The following AKT3 variants were observed in gnomAD, a reference collection of about 807,000 sequenced individuals.
AKT3 encodes the protein RAC-gamma serine/threonine-protein kinase.
AKT3 carries 15 observed loss-of-function variants against 65.3 expected under a neutral mutation model. That is an observed-to-expected ratio of 0.23 (90% CI 0.15 to 0.35). AKT3 has a LOEUF of 0.35. Among genes scored for constraint, AKT3 ranks in the 10% least tolerant of loss-of-function variants. The pLI is 1.00. For missense variants in AKT3, 243 were observed against 576.5 expected (o/e 0.42, Z 5.92); for synonymous variants, 206 against 183.8 (o/e 1.12, Z -0.98).
At chr1:243,768,322 C>T (rs372934047) in intron 2 of AKT3, among the ~76,000 whole-genome samples, 32 of 152,162 alleles carry the variant, frequency 2.1e-4, no homozygotes, top group African/African-American at 5.3e-4. Flanking sequence ...TTAATTTTAA[C>T]TGATATATTC....
intron 3 of AKT3, among the ~76,000 whole-genome samples, chr1:243,675,406 A>G (rs889724423): frequency 1.3e-5 from 2 of 152,118 alleles, no homozygotes; most frequent in Non-Finnish European, 2.9e-5. Context: ...TCACCATGTT[A>G]GCCAGGCTGG....
At chr1:243,650,224 G>C (rs974888894) in intron 4 of AKT3, among the ~76,000 whole-genome samples, 2 of 152,168 alleles carry the variant, frequency 1.3e-5, no homozygotes, top group African/African-American at 4.8e-5. Flanking sequence ...AGAAGTGTCT[G>C]TTCATATCCT....
chr1:243,814,731 T>G (rs1284185672), intron 2 of AKT3: 3 of 152,216 alleles, frequency 2.0e-5, no homozygotes, highest in African/African-American at 7.2e-5. Context: ...TATCACTGCA[T>G]AACAGATTAC....
At position 243,560,439 on chromosome 1, in the gene AKT3, G is replaced by A. The variant is rs559564178; in HGVS notation, c.948+3281C>T. ...TTTTTTAAGGGTAAACACAGTCAAA[G>A]TTTAAAAATGCAATATGTGACACAA... is the stretch of plus-strand genomic sequence containing the variant. On this transcript the variant is annotated intron_variant, in intron 10 of 13. Coordinates refer to ENST00000673466, the MANE Select transcript of AKT3 (RefSeq NM_005465.7). Among the ~76,000 whole-genome samples the A allele has an allele frequency of 4.6e-5, 7 of 152,202 alleles. No individual in the cohort carries two copies. The South Asian group carries it at 1.5e-3, about 32-fold the overall frequency.
At chr1:243,526,019 C>T (rs149443152) in intron 12 of AKT3, among the ~76,000 whole-genome samples, 6 of 151,236 alleles carry the variant, frequency 4.0e-5, no homozygotes, top group African/African-American at 4.9e-5. Flanking sequence ...GAGTCTGTCA[C>T]GGTTCCATGA....
In AKT3 at chr1:243,545,708, G is replaced by C. The variant is rs532072958; in HGVS notation, c.1164-111C>G. The C allele has an allele frequency of 3.4e-5, 24 of 704,954 alleles. No homozygotes were observed. The East Asian group carries it at 6.4e-4, about 19-fold the overall frequency. The allele number at this position is 704,954 out of a possible 1,614,324, so 43.7% of individuals were successfully genotyped here. A position where few individuals can be genotyped will look rare whatever the true frequency, so the allele number is the denominator to read the frequency against. Reference sequence around the variant, plus strand: ...TTTTCTGTGTAATAAACAGTTCTTGGGATAAATAGCTCTAAAAGTAAAAAG... The same window carrying C: ...TTTTCTGTGTAATAAACAGTTCTTGCGATAAATAGCTCTAAAAGTAAAAAG... On this transcript the variant is annotated intron_variant, in intron 11 of 13. Coordinates refer to ENST00000673466, the MANE Select transcript of AKT3 (RefSeq NM_005465.7).
At chr1:243,744,510 C>T (rs1375695149) in intron 2 of AKT3, among the ~76,000 whole-genome samples, 1 of 151,874 alleles carries the variant, frequency 6.6e-6, no homozygotes. Context: ...GAGGCCGAGG[C>T]GGGTGGATCA....
At chr1:243,582,824 A>T (rs1558631815) in intron 8 of AKT3, among the ~76,000 whole-genome samples, 1 of 151,994 alleles carries the variant, frequency 6.6e-6, no homozygotes, top group African/African-American at 2.4e-5. Context: ...CATGTTGGAT[A>T]AAAAAACAAG....
intron 9 of AKT3, 99 bp downstream of exon 9, chr1:243,572,827 A>T: frequency 2.4e-6 from 3 of 1,265,958 alleles, no homozygotes; most frequent in Non-Finnish European, 3.1e-6. Flanking sequence ...TCCCAACTAA[A>T]TCTGCTTTTC....
chr1:243,694,937 C>T (rs1684965171), intron 3 of AKT3, among the ~76,000 whole-genome samples: 1 of 151,930 alleles, frequency 6.6e-6, no homozygotes, highest in African/African-American at 2.4e-5. Flanking sequence ...CACTTTACTT[C>T]TAAATTAACA....
chr1:243,645,805 G>A (rs1680765952), intron 5 of AKT3, 88 bp downstream of exon 5: 1 of 1,307,932 alleles, frequency 7.6e-7, no homozygotes, highest in African/African-American at 1.5e-5. Context: ...TAAGAAAACT[G>A]GCTGACATCT....
intron 2 of AKT3, among the ~76,000 whole-genome samples, chr1:243,759,351 AAATTAAAAAT>A (rs1431533834): frequency 2.0e-5 from 3 of 151,718 alleles, no homozygotes; most frequent in Non-Finnish European, 2.9e-5. Flanking sequence ...AAATTAAATT[AAATTAAAAAT>A]AAAATAAAAT....
chr1:243,773,439 T>G (rs1363058508), intron 2 of AKT3, among the ~76,000 whole-genome samples: 1 of 152,068 alleles, frequency 6.6e-6, no homozygotes, highest in African/African-American at 2.4e-5. Flanking sequence ...GGAAGGTCAC[T>G]TCATCTTTCT....
intron 3 of AKT3, among the ~76,000 whole-genome samples, chr1:243,689,666 A>C (rs1400864948): frequency 6.6e-6 from 1 of 152,046 alleles, no homozygotes; most frequent in Non-Finnish European, 1.5e-5. Flanking sequence ...TAGAGAGTAA[A>C]TACTTTGGTC....
At chr1:243,562,024 A>G (rs1673821235) in intron 10 of AKT3, among the ~76,000 whole-genome samples, 1 of 152,170 alleles carries the variant, frequency 6.6e-6, no homozygotes, top group African/African-American at 2.4e-5. Context: ...TGCATAAACA[A>G]ATGTTCATAG....
intron 12 of AKT3, among the ~76,000 whole-genome samples, chr1:243,533,850 C>T (rs550638803): frequency 1.5e-4 from 23 of 152,094 alleles, no homozygotes; most frequent in East Asian, 9.7e-4. Context: ...ATTAGCCGGG[C>T]GTGGTGGTGG....
chr1:243,815,039 C>T (rs1035277584), intron 2 of AKT3, among the ~76,000 whole-genome samples: 1 of 152,168 alleles, frequency 6.6e-6, no homozygotes, highest in Admixed American at 6.5e-5. Context: ...GTCACATCTT[C>T]AGCTTGATCT....
Position 243,806,015 on chromosome 1 carries a change from G to GCA in AKT3, c.46+37108_46+37109dup, listed in dbSNP as rs965086681. On this transcript the variant is annotated intron_variant, in intron 2 of 13. Transcript: ENST00000673466. ...CTTGTCTTCCCTAAAACCATGGCATGCACACACACACTCCTCAGCATGCTT... is the reference window on the plus strand; with the variant it reads ...CTTGTCTTCCCTAAAACCATGGCATGCACACACACACACTCCTCAGCATGCTT... Among the ~76,000 whole-genome samples, 3 of 152,034 alleles carry GCA rather than the reference G, an allele frequency of 2.0e-5. No individual in the cohort carries two copies. The East Asian group carries it at 5.8e-4, about 29-fold the overall frequency.
At chr1:243,792,026 T>C (rs546347799) in intron 2 of AKT3, among the ~76,000 whole-genome samples, 1 of 152,302 alleles carries the variant, frequency 6.6e-6, no homozygotes, top group Admixed American at 6.5e-5. Context: ...CTGAAGAAGA[T>C]TTAAGGAAAC....
Sources: allele counts gnomAD v4.1 joint callset (sites outside exome capture counted in the v4.1 genomes callset), GRCh38; gene constraint gnomAD v4.1.1; transcripts MANE v1.5; gene names NCBI Gene and HGNC (gene_info 2026-07-23, HGNC 2026-07-21).